COL5A2: variants seen among roughly 807,000 people sequenced by gnomAD.
COL5A2 encodes the protein collagen alpha-2(V) chain.
Under a neutral mutation model 208.2 loss-of-function variants are expected in COL5A2, and 23 were observed. The observed-to-expected ratio is 0.11, with a 90% CI of 0.08 to 0.16. The LOEUF is 0.16. COL5A2 is among the 10% of genes least tolerant of loss of function. The pLI is 1.00. For missense variants in COL5A2, 1,590 were observed against 1,956.4 expected (o/e 0.81, Z 3.53); for synonymous variants, 625 against 628.5 (o/e 0.99, Z 0.08).
intron 20 of COL5A2, 34 bp downstream of exon 20, chr2:189,068,192 T>C: frequency 6.2e-7 from 1 of 1,611,684 alleles, no homozygotes; most frequent in Non-Finnish European, 8.5e-7. Context: ...ATCATGCCCA[T>C]TTGAGCTTCA....
chr2:189,205,303 G>A (rs189081892), intron 1 of COL5A2, among the ~76,000 whole-genome samples: 28 of 152,254 alleles, frequency 1.8e-4, no homozygotes, highest in Admixed American at 4.6e-4. Context: ...TGCTTTATGT[G>A]GATTATTTCA....
At chr2:189,182,859 C>T (rs1688800641), upstream of COL5A2, among the ~76,000 whole-genome samples, 1 of 152,154 alleles carries the variant, frequency 6.6e-6, no homozygotes, top group African/African-American at 2.4e-5. Flanking sequence ...GGGATGATCC[C>T]TCCCTCTGCA....
chr2:189,148,603 A>C (rs1688085244), intron 1 of COL5A2, among the ~76,000 whole-genome samples: 1 of 152,214 alleles, frequency 6.6e-6, no homozygotes, highest in Non-Finnish European at 1.5e-5. Context: ...ACATGAGTCC[A>C]TATTGCCCTC....
At chr2:189,334,075 A>G in the COL5A2 span, among the ~76,000 whole-genome samples, 1 of 152,072 alleles carries the variant, frequency 6.6e-6, no homozygotes, top group African/African-American at 2.4e-5. Flanking sequence ...ACACCCAGTC[A>G]TAATTCAAAA....
the COL5A2 span, among the ~76,000 whole-genome samples, chr2:189,360,563 T>C: frequency 6.6e-6 from 1 of 152,214 alleles, no homozygotes; most frequent in Non-Finnish European, 1.5e-5. Flanking sequence ...CATTATTGAT[T>C]TCCAGTTTAC....
chr2:189,334,757 A>C, the COL5A2 span, among the ~76,000 whole-genome samples: 1 of 152,070 alleles, frequency 6.6e-6, no homozygotes, highest in African/African-American at 2.4e-5. Context: ...ACGACAAAGT[A>C]TTAGAAAAGC....
the COL5A2 span, among the ~76,000 whole-genome samples, chr2:189,357,024 C>A: frequency 6.6e-6 from 1 of 152,288 alleles, no homozygotes; most frequent in Middle Eastern, 3.4e-3. Context: ...TGCTGGAGGT[C>A]CACTCCAGAC....
At chr2:189,249,286 A>G in the COL5A2 span, among the ~76,000 whole-genome samples, 1 of 152,162 alleles carries the variant, frequency 6.6e-6, no homozygotes, top group Non-Finnish European at 1.5e-5. Flanking sequence ...TTTTTAAGCA[A>G]TGAACCTATC....
the COL5A2 span, among the ~76,000 whole-genome samples, chr2:189,234,817 T>C: frequency 2.7e-3 from 411 of 151,912 alleles, 3 homozygotes; most frequent in African/African-American, 9.3e-3. Flanking sequence ...AGGTAAGGAA[T>C]TAATGGCATG....
In COL5A2 at chr2:189,049,215, T is replaced by A; in HGVS notation, c.3147+132A>T. ...CAACTCTCTAGGGAAGTAGAGTACA[T>A]CAAATAACATTACTAAGAAACTTTC... On this transcript the variant is annotated intron_variant, in intron 44 of 53. Coordinates refer to ENST00000374866, the MANE Select transcript of COL5A2 (RefSeq NM_000393.5). 3 of 717,902 alleles carry A rather than the reference T, an allele frequency of 4.2e-6. No individual in the cohort carries two copies. In the South Asian group the frequency reaches 4.6e-5, roughly 11 times the overall value. 44.5% of individuals were successfully genotyped at this position (717,902 alleles called of 1,614,324 possible). A position where few individuals can be genotyped will look rare whatever the true frequency, so the allele number is the denominator to read the frequency against.
the COL5A2 span, among the ~76,000 whole-genome samples, chr2:189,401,209 A>C: frequency 0.028 from 4,241 of 152,088 alleles, 198 homozygotes; most frequent in African/African-American, 0.097. Context: ...GTCCTTCATT[A>C]TCCCTCCTCC....
chr2:189,211,840 G>A (rs1213976855), intron 1 of COL5A2, among the ~76,000 whole-genome samples: 3 of 152,086 alleles, frequency 2.0e-5, no homozygotes, highest in Non-Finnish European at 4.4e-5. Flanking sequence ...AAAACTCATG[G>A]ACAACATTTT....
chr2:189,045,921 C>A lies in COL5A2; in HGVS notation c.3202-14G>T. ...TCCACGATCACCCTAACAAGAATAA[C>A]CATGATATTATTTTTTAACATTTAT... On this transcript the variant is annotated splice_polypyrimidine_tract_variant and intron_variant, in intron 45 of 53. Transcript: ENST00000374866. The A allele has an allele frequency of 6.2e-7, 1 of 1,601,256 alleles. No individual in the cohort carries two copies. The highest frequency in any genetic ancestry group is 1.1e-5 in the South Asian group (1 of 90,842).
At chr2:189,035,322 C>T (rs1441000901) in intron 52 of COL5A2, among the ~76,000 whole-genome samples, 167 bp from the exon 53 acceptor site, 1 of 152,068 alleles carries the variant, frequency 6.6e-6, no homozygotes, top group Admixed American at 6.6e-5. Flanking sequence ...CTAAACATAT[C>T]TTAAAATGTC....
chr2:189,139,769 A>T (rs1687900560), intron 1 of COL5A2, among the ~76,000 whole-genome samples: 1 of 152,238 alleles, frequency 6.6e-6, no homozygotes, highest in Non-Finnish European at 1.5e-5. Flanking sequence ...ATTAGAAAGT[A>T]TATTTTAAAA....
Position 189,033,518 on chromosome 2 carries a change from T to C in COL5A2, c.*552A>G, listed in dbSNP as rs1685379050. 6.3e-6 allele frequency: 1 copy of C among 158,856 alleles called. No individual in the cohort carries two copies. The highest frequency in any genetic ancestry group is 1.4e-5 in the Non-Finnish European group (1 of 71,472). 9.8% of individuals were successfully genotyped at this position (158,856 alleles called of 1,614,324 possible). A position where few individuals can be genotyped will look rare whatever the true frequency, so the allele number is the denominator to read the frequency against. On this transcript the variant is annotated 3_prime_UTR_variant, in exon 54 of 54. Coordinates refer to ENST00000374866, the MANE Select transcript of COL5A2 (RefSeq NM_000393.5). ...AAGATTCTCCTTAAAGAGTCTCTAT[T>C]ATAGTTACACAATATCAAGACATGC...
Position 189,053,404 on chromosome 2 carries a change from G to A in COL5A2, c.2553+20C>T. On this transcript the variant is annotated intron_variant, in intron 38 of 53. Coordinates refer to ENST00000374866, the MANE Select transcript of COL5A2 (RefSeq NM_000393.5). ...AAGATAAGTGTTTATTTGTAAATTA[G>A]GGATATTTGAAAATTATACCTGGGG... 3 of 1,602,164 alleles carry A rather than the reference G, an allele frequency of 1.9e-6. No homozygotes were observed. The highest frequency in any genetic ancestry group is 1.7e-5 in the Admixed American group (1 of 59,982).
At chr2:189,231,624 T>A in the COL5A2 span, among the ~76,000 whole-genome samples, 1 of 151,710 alleles carries the variant, frequency 6.6e-6, no homozygotes, top group Non-Finnish European at 1.5e-5. Flanking sequence ...TCTGATAACT[T>A]ATGATCATCT....
chr2:189,327,576 C>T, the COL5A2 span, among the ~76,000 whole-genome samples: 1 of 152,120 alleles, frequency 6.6e-6, no homozygotes, highest in South Asian at 2.1e-4. Context: ...ATGGTGCTTC[C>T]TTTTGGTGCA....
Sources: allele counts gnomAD v4.1 joint callset (sites outside exome capture counted in the v4.1 genomes callset), GRCh38; gene constraint gnomAD v4.1.1; transcripts MANE v1.5; gene names NCBI Gene and HGNC (gene_info 2026-07-23, HGNC 2026-07-21).